Variants in ZPBP observed in about 807,000 individuals in gnomAD.
The protein encoded by ZPBP is zona pellucida-binding protein 1.
In ZPBP, 26 loss-of-function variants were observed where a neutral mutation model predicts 44.8. That is an observed-to-expected ratio of 0.58 (90% CI 0.43 to 0.81). The LOEUF is 0.81. Among genes scored for constraint, ZPBP ranks in the 30% least tolerant of loss-of-function variants. The probability of loss-of-function intolerance (pLI) is 0.00; values close to 1 mark genes in which losing one functional copy is unlikely to be tolerated. For missense variants in ZPBP, 409 were observed against 434.0 expected (o/e 0.94, Z 0.51); for synonymous variants, 174 against 153.2 (o/e 1.14, Z -1.00).
At chr7:50,058,549 A>G (rs1801083545) in intron 3 of ZPBP, among the ~76,000 whole-genome samples, 1 of 152,224 alleles carries the variant, frequency 6.6e-6, no homozygotes, top group Non-Finnish European at 1.5e-5. Flanking sequence ...GTAAGCTTAC[A>G]AACTGCATAT....
chr7:49,909,875 G>A (rs925525818), intron 1 of ZPBP, among the ~76,000 whole-genome samples: 3 of 152,082 alleles, frequency 2.0e-5, no homozygotes, highest in Admixed American at 6.5e-5. Context: ...AGGTCAAGGC[G>A]GGAGGATCTC....
chr7:49,949,719 A>T (rs1487444509), intron 7 of ZPBP, among the ~76,000 whole-genome samples: 4 of 152,066 alleles, frequency 2.6e-5, no homozygotes, highest in African/African-American at 9.7e-5. Flanking sequence ...TGATGATTTC[A>T]CAACAGTGGG....
downstream of ZPBP, among the ~76,000 whole-genome samples, chr7:49,849,150 C>G (rs532057636): frequency 6.6e-6 from 1 of 152,328 alleles, no homozygotes; most frequent in Non-Finnish European, 1.5e-5. Flanking sequence ...AGTTCATACC[C>G]TACAGTCCCA....
chr7:50,046,105 T>C (rs1800344253), intron 4 of ZPBP, among the ~76,000 whole-genome samples: 1 of 152,176 alleles, frequency 6.6e-6, no homozygotes, highest in African/African-American at 2.4e-5. Flanking sequence ...TGCAGAAAAC[T>C]GAAACTGGAC....
chr7:49,938,002 T>C (rs1583873711), intron 7 of ZPBP, among the ~76,000 whole-genome samples: 1 of 152,198 alleles, frequency 6.6e-6, no homozygotes, highest in Non-Finnish European at 1.5e-5. Flanking sequence ...TCTAATGCCA[T>C]TGATGACCTG....
downstream of ZPBP, among the ~76,000 whole-genome samples, chr7:49,845,875 G>A (rs115370020): frequency 0.011 from 1,599 of 152,226 alleles, 25 homozygotes; most frequent in African/African-American, 0.036. Flanking sequence ...GTGTGAGTGC[G>A]TGTGCACACC....
intron 3 of ZPBP, among the ~76,000 whole-genome samples, chr7:50,063,660 G>T (rs1801361073): frequency 6.6e-6 from 1 of 152,034 alleles, no homozygotes; most frequent in Admixed American, 6.5e-5. Flanking sequence ...TGGAACATAG[G>T]CCAACTTTCA....
At chr7:49,940,013 G>A (rs1794801503) in intron 7 of ZPBP, among the ~76,000 whole-genome samples, 1 of 152,140 alleles carries the variant, frequency 6.6e-6, no homozygotes, top group Non-Finnish European at 1.5e-5. Flanking sequence ...CAATCACTCT[G>A]TTGCCTCAAC....
intron 6 of ZPBP, among the ~76,000 whole-genome samples, chr7:49,992,294 C>G (rs1379997740): frequency 2.0e-5 from 3 of 151,890 alleles, no homozygotes; most frequent in Non-Finnish European, 2.9e-5. Context: ...ATTCAGATAA[C>G]TGAATATCAG....
the ZPBP span, among the ~76,000 whole-genome samples, chr7:49,844,818 G>A: frequency 6.6e-6 from 1 of 151,942 alleles, no homozygotes; most frequent in Non-Finnish European, 1.5e-5. Context: ...TCAGCTTCCT[G>A]AGTAGCTGAG....
chr7:50,061,132 C>A (rs1213852817), intron 3 of ZPBP, among the ~76,000 whole-genome samples: 2 of 152,088 alleles, frequency 1.3e-5, no homozygotes, highest in Non-Finnish European at 2.9e-5. Context: ...TAAAAACCCT[C>A]AATAAACTGG....
chr7:50,049,865 T>G (rs1208135438), intron 4 of ZPBP, among the ~76,000 whole-genome samples: 1 of 151,996 alleles, frequency 6.6e-6, no homozygotes, highest in Non-Finnish European at 1.5e-5. Context: ...ATTCTGTCTC[T>G]GTGTCAACAT....
At chr7:50,075,065 A>G (rs1044124497) in intron 3 of ZPBP, among the ~76,000 whole-genome samples, 2 of 152,014 alleles carry the variant, frequency 1.3e-5, no homozygotes, top group African/African-American at 4.8e-5. Context: ...AAATAATATT[A>G]AGCATCTTCT....
At position 49,875,095 on chromosome 7, in the gene ZPBP, G is replaced by A. The variant is rs375537822; in HGVS notation, n.510-24581C>T. On this transcript the variant is annotated intron_variant and non_coding_transcript_variant, in intron 2 of 2. Transcript: ENST00000465922. The stretch of plus-strand genomic sequence containing the variant: ...CATAAATAATAGTAAAAATTGGCCG[G>A]GCACGGTGGCTCATGCCTGTAATCC... Among the ~76,000 whole-genome samples the A allele has an allele frequency of 4.6e-5, 7 of 152,064 alleles. 1 individual carries two copies. The South Asian group carries it at 6.2e-4, about 14-fold the overall frequency.
At chr7:50,031,000 A>T in intron 5 of ZPBP, 92 bp downstream of exon 5, 1 of 1,071,744 alleles carries the variant, frequency 9.3e-7, no homozygotes, top group Non-Finnish European at 1.4e-6. Context: ...GTTTATGTTT[A>T]TATCATAAAA....
chr7:49,947,958 C>G (rs1223716797), intron 7 of ZPBP, among the ~76,000 whole-genome samples: 1 of 152,232 alleles, frequency 6.6e-6, no homozygotes, highest in Admixed American at 6.5e-5. Flanking sequence ...GCATAGTAGT[C>G]TCTCTCTATG....
intron 5 of ZPBP, among the ~76,000 whole-genome samples, chr7:50,024,422 G>A (rs1161657656): frequency 6.6e-6 from 1 of 151,238 alleles, no homozygotes; most frequent in Non-Finnish European, 1.5e-5. Context: ...TTCAATCATG[G>A]ATGACTGGAT....
intron 7 of ZPBP, among the ~76,000 whole-genome samples, chr7:49,981,536 AT>A (rs1796937378): frequency 1.5e-5 from 1 of 67,150 alleles, no homozygotes; most frequent in Non-Finnish European, 2.4e-5. Flanking sequence ...ATATATTATA[AT>A]TTTATATAAT....
At chr7:50,026,259 T>C (rs148650983) in intron 5 of ZPBP, among the ~76,000 whole-genome samples, 42 of 112,130 alleles carry the variant, frequency 3.7e-4, no homozygotes, top group African/African-American at 1.6e-3. Flanking sequence ...CATTTATAAC[T>C]ATATAGGCCT....
Sources: allele counts gnomAD v4.1 joint callset (sites outside exome capture counted in the v4.1 genomes callset), GRCh38; gene constraint gnomAD v4.1.1; transcripts MANE v1.5; gene names NCBI Gene and HGNC (gene_info 2026-07-23, HGNC 2026-07-21).